Variants in DPYD observed in about 807,000 individuals in gnomAD.
The protein encoded by DPYD is dihydropyrimidine dehydrogenase, also known as dihydropyrimidine dehydrogenase [NADP(+)].
DPYD carries 109 observed loss-of-function variants against 116.2 expected under a neutral mutation model. That is an observed-to-expected ratio of 0.94 (90% confidence interval 0.80 to 1.10). DPYD has a LOEUF of 1.10. DPYD is among the 50% of genes least tolerant of loss of function. The probability of loss-of-function intolerance (pLI) is 0.00; values close to 1 mark genes in which losing one functional copy is unlikely to be tolerated. For missense variants in DPYD, 1,302 were observed against 1,254.5 expected (o/e 1.04, Z -0.57); for synonymous variants, 440 against 432.0 (o/e 1.02, Z -0.23).
Position 97,620,037 on chromosome 1 carries a change from GA to G in DPYD, c.851-24872del, listed in dbSNP as rs560475446. Among the ~76,000 whole-genome samples, 551 of 130,014 alleles carry G rather than the reference GA, an allele frequency of 4.2e-3. 4 individuals are homozygous for G. Among genetic ancestry groups the G allele is most frequent in the East Asian group, 0.01 (46 of 4,550 alleles). The allele number at this position is 130,014 out of a possible 152,430, so 85.3% of individuals were successfully genotyped here. On this transcript the variant is annotated intron_variant, in intron 8 of 22. Coordinates refer to ENST00000370192, the MANE Select transcript of DPYD (RefSeq NM_000110.4). The stretch of plus-strand genomic sequence containing the variant: ...TTCGGCAAAATCTCCCAGTATAAGT[GA>G]AAAAAAAAAAAAACATAGGCACTTT...
At chr1:97,356,495 T>C (rs575582229) in intron 16 of DPYD, among the ~76,000 whole-genome samples, 20 of 152,314 alleles carry the variant, frequency 1.3e-4, no homozygotes, top group Middle Eastern at 3.4e-3. Context: ...ATATTTGCTG[T>C]TCTGCAATAT....
rs149829666 is a variant in DPYD, at chr1:97,536,320, T to C, written c.1524+13240A>G. Among the ~76,000 whole-genome samples, 601 of 152,322 alleles carry C rather than the reference T, an allele frequency of 3.9e-3. 1 individual carries two copies. Among genetic ancestry groups the C allele is most frequent in the Middle Eastern group, 6.8e-3 (2 of 294 alleles). ...ACTGTCTTTTTATTGATATTCATTG[T>C]TTTTCAACCTGACAGTGGCCAATGA... On this transcript the variant is annotated intron_variant, in intron 12 of 22. Transcript: ENST00000370192.
chr1:97,150,907 T>C (rs1015905439), intron 20 of DPYD, among the ~76,000 whole-genome samples: 6 of 152,214 alleles, frequency 3.9e-5, no homozygotes, highest in African/African-American at 1.4e-4. Flanking sequence ...ATGTTTTTCA[T>C]TGCAATATTC....
intron 14 of DPYD, among the ~76,000 whole-genome samples, chr1:97,395,947 G>A (rs191450186): frequency 5.3e-5 from 8 of 152,074 alleles, no homozygotes; most frequent in Non-Finnish European, 8.8e-5. Context: ...ACCACAGATG[G>A]CATAAGACCA....
chr1:97,512,184 A>G (rs1647848458), intron 13 of DPYD, among the ~76,000 whole-genome samples: 1 of 151,876 alleles, frequency 6.6e-6, no homozygotes, highest in South Asian at 2.1e-4. Context: ...GCTTTGTGCT[A>G]TGGGGTATAA....
At chr1:97,749,831 C>T (rs1664776004) in intron 3 of DPYD, among the ~76,000 whole-genome samples, 1 of 152,008 alleles carries the variant, frequency 6.6e-6, no homozygotes, top group Non-Finnish European at 1.5e-5. Context: ...ATGCTCAATA[C>T]ACTTTTGATC....
chr1:97,635,624 T>C (rs1324340017), intron 8 of DPYD, among the ~76,000 whole-genome samples: 1 of 152,190 alleles, frequency 6.6e-6, no homozygotes, highest in African/African-American at 2.4e-5. Flanking sequence ...GGGCAGGGAA[T>C]ACGTCTGCTA....
intron 12 of DPYD, among the ~76,000 whole-genome samples, chr1:97,530,208 T>TTC (rs1649504371): frequency 2.4e-5 from 2 of 82,666 alleles, no homozygotes; most frequent in Non-Finnish European, 2.5e-5. Context: ...GAATTTCTTT[T>TTC]TTTTTCTTTT....
intron 8 of DPYD, among the ~76,000 whole-genome samples, chr1:97,612,902 T>C (rs1249289800): frequency 6.6e-6 from 1 of 152,040 alleles, no homozygotes; most frequent in Non-Finnish European, 1.5e-5. Context: ...AGGACAACAC[T>C]ACATGGATGT....
At chr1:97,466,720 AC>A (rs1408613885) in intron 13 of DPYD, among the ~76,000 whole-genome samples, 2 of 151,960 alleles carry the variant, frequency 1.3e-5, no homozygotes, top group African/African-American at 4.8e-5. Context: ...CACCAAAGAG[AC>A]CTCCTTCTGG....
At chr1:97,462,020 T>C (rs893411441) in intron 13 of DPYD, among the ~76,000 whole-genome samples, 1 of 152,232 alleles carries the variant, frequency 6.6e-6, no homozygotes, top group African/African-American at 2.4e-5. Flanking sequence ...GTTTGTTTCA[T>C]AGGAGACAAT....
intron 7 of DPYD, among the ~76,000 whole-genome samples, chr1:97,684,231 G>A (rs1660587692): frequency 6.6e-6 from 1 of 152,066 alleles, no homozygotes; most frequent in Non-Finnish European, 1.5e-5. Context: ...CTGGTACATT[G>A]TCTCTTTGTT....
intron 2 of DPYD, among the ~76,000 whole-genome samples, chr1:97,831,454 A>G (rs1424151723): frequency 5.3e-5 from 8 of 152,226 alleles, no homozygotes; most frequent in African/African-American, 7.2e-5. Context: ...GGATCTGAGA[A>G]AAACTGTAAA....
At chr1:97,372,152 T>C (rs560107365) in intron 16 of DPYD, among the ~76,000 whole-genome samples, 1 of 152,324 alleles carries the variant, frequency 6.6e-6, no homozygotes, top group South Asian at 2.1e-4. Context: ...GAGAGAAATA[T>C]TGAATTGCAT....
At position 97,714,555 on chromosome 1, in the gene DPYD, C is replaced by T. The variant is rs115279106; in HGVS notation, c.483+6955G>A. ...CTTGTATTTAAATTTTTCAGTAGTG[C>T]TGTAATGTAATTTCTAAAGAAGGAA... On this transcript the variant is annotated intron_variant, in intron 5 of 22. Coordinates refer to ENST00000370192, the MANE Select transcript of DPYD (RefSeq NM_000110.4). Among the ~76,000 whole-genome samples, 454 of 149,230 alleles carry T rather than the reference C, an allele frequency of 3.0e-3. 2 individuals are homozygous for T. Among genetic ancestry groups the T allele is most frequent in the Non-Finnish European group, 4.1e-3 (280 of 67,718 alleles).
At chr1:97,079,775 T>C (rs1364923323) in intron 22 of DPYD, among the ~76,000 whole-genome samples, 1 of 152,098 alleles carries the variant, frequency 6.6e-6, no homozygotes, top group African/African-American at 2.4e-5. Flanking sequence ...CCTGACACTA[T>C]TGAGCCCAGA....
Position 97,332,026 on chromosome 1 carries a change from A to G in DPYD, c.2059-25729T>C, listed in dbSNP as rs150106900. Among the ~76,000 whole-genome samples the G allele has an allele frequency of 1.4e-3, 210 of 152,328 alleles. 1 individual carries two copies. The highest frequency in any genetic ancestry group is 1.6e-3 in the Non-Finnish European group (112 of 68,030). On this transcript the variant is annotated intron_variant, in intron 16 of 22. Coordinates refer to ENST00000370192, the MANE Select transcript of DPYD (RefSeq NM_000110.4). ...TTCAAGGTTTACATATCCAGGTCCT[A>G]TGAATTCCATCTGAGATGCTATTAG...
intron 14 of DPYD, among the ~76,000 whole-genome samples, chr1:97,417,401 C>T (rs1674342493): frequency 6.6e-6 from 1 of 152,192 alleles, no homozygotes; most frequent in African/African-American, 2.4e-5. Flanking sequence ...TTAGCTACTT[C>T]CTCTGCCCCT....
At position 97,915,540 on chromosome 1, in the gene DPYD, C is replaced by T. The variant is rs1008395925; in HGVS notation, c.39+5344G>A. ...ATTGGCTCCAGGATATCAGTGAACA[C>T]CCACATGACTGATATTTGAGGCCAA... is the stretch of plus-strand genomic sequence containing the variant. On this transcript the variant is annotated intron_variant, in intron 1 of 22. Coordinates refer to ENST00000370192, the MANE Select transcript of DPYD (RefSeq NM_000110.4). 4.6e-5 allele frequency among the ~76,000 whole-genome samples: 7 copies of T among 152,182 alleles called. No individual in the cohort carries two copies. In the East Asian group the frequency reaches 1.4e-3, roughly 29 times the overall value.
Sources: gnomAD v4.1 joint callset for allele counts (sites outside exome capture counted in the v4.1 genomes callset) on GRCh38, gnomAD v4.1.1 for gene constraint, MANE v1.5 for transcripts, NCBI Gene and HGNC (gene_info 2026-07-23, HGNC 2026-07-21) for gene names.